The following PCLO variants were observed in gnomAD, a reference collection of about 807,000 sequenced individuals.
PCLO encodes the protein protein piccolo.
PCLO carries 82 observed loss-of-function variants against 427.5 expected under a neutral mutation model. The observed-to-expected ratio is 0.19, with a 90% CI of 0.16 to 0.23. The LOEUF (loss-of-function observed/expected upper bound fraction) is 0.23, where lower values mean the gene tolerates loss of function less well. Among genes scored for constraint, PCLO ranks in the 10% least tolerant of loss-of-function variants. The pLI is 1.00. For missense variants in PCLO, 6,239 were observed against 6,115.9 expected, an observed-to-expected ratio of 1.02 and a Z score of -0.67; for synonymous variants, 2,357 against 2,155.4, an observed-to-expected ratio of 1.09 and a Z score of -2.59.
intron 10 of PCLO, among the ~76,000 whole-genome samples, chr7:82,859,248 G>C (rs1213413307): frequency 6.6e-6 from 1 of 152,198 alleles, no homozygotes. Context: ...CCAGGGCTGT[G>C]AGTGAACATA....
In PCLO at chr7:82,845,410, G is replaced by A. The variant is rs200246576; in HGVS notation, c.13907C>T (p.Ser4636Leu). ...AACAACTGATGACAGAACCAGCGGT[G>A]ACTGCTGTAGTGAAACCTTCTGGAG... ...AELQKVSLQQ[S>L]PLVLSSVVEK... Residue 4636 changes from serine (S) to leucine (L), a missense_variant, in exon 13 of 25, where the codon TCA becomes TTA. By Grantham distance (145) the Ser-to-Leu change is moderately radical (BLOSUM62 -2). This residue lies in a region of PCLO where 877 missense variants were observed against 925.5 expected (regional missense o/e 0.95). Coordinates refer to ENST00000333891, the MANE Select transcript of PCLO (RefSeq NM_033026.6). The A allele has an allele frequency of 1.9e-6, 3 of 1,613,152 alleles. No homozygotes were observed. The highest frequency in any genetic ancestry group is 1.3e-5 in the African/African-American group (1 of 74,994).
At chr7:83,120,542 A>G (rs1791250983) in intron 3 of PCLO, among the ~76,000 whole-genome samples, 1 of 152,140 alleles carries the variant, frequency 6.6e-6, no homozygotes, top group Non-Finnish European at 1.5e-5. Flanking sequence ...CAAGACATTT[A>G]AAAATCAAAT....
chr7:83,079,730 T>A (rs1790047100), intron 3 of PCLO, among the ~76,000 whole-genome samples: 1 of 152,132 alleles, frequency 6.6e-6, no homozygotes, highest in Non-Finnish European at 1.5e-5. Flanking sequence ...ATATTTATTT[T>A]AAGTTCTGGG....
At chr7:82,899,771 C>G (rs2116176753) in intron 9 of PCLO, among the ~76,000 whole-genome samples, 1 of 151,376 alleles carries the variant, frequency 6.6e-6, no homozygotes, top group South Asian at 2.1e-4. Flanking sequence ...TGTTTTAAAA[C>G]TTGTTTCTAG....
In PCLO at chr7:82,915,994, C is replaced by T. The variant is rs780418136; in HGVS notation, c.11992G>A (p.Ala3998Thr). 1 of 1,612,728 alleles carries T rather than the reference C, an allele frequency of 6.2e-7. No individual in the cohort carries two copies. Among genetic ancestry groups the T allele is most frequent in the Admixed American group, 1.7e-5 (1 of 59,994 alleles). Residue 3998 changes from alanine to threonine, a missense_variant, in exon 7 of 25, where the codon GCT (alanine) becomes ACT (threonine). Transcript: ENST00000333891. The stretch of plus-strand genomic sequence containing the variant: ...TACTTACTACCAAGATGGGAAACAG[C>T]AAATGTGTTATCCGTAGAAACAGGT... ...IAPVSTDNTF[A>T]VSHLGSKYNS...
Position 82,822,296 on chromosome 7 carries a change from A to T in PCLO, c.14791+199T>A, listed in dbSNP as rs886745962. On this transcript the variant is annotated intron_variant, in intron 20 of 24. Transcript: ENST00000333891. ...AAGGAGAAACAGCCAGTTTTATTTC[A>T]GTCTATGTAAATAAAAAAAATCTAA... 7.7e-6 allele frequency: 11 copies of T among 1,419,792 alleles called. No individual in the cohort carries two copies. In the African/African-American group the frequency reaches 1.6e-4, roughly 20 times the overall value. 87.9% of individuals were successfully genotyped at this position (1,419,792 alleles called of 1,614,324 possible).
chr7:83,123,289 G>T (rs937732630), intron 3 of PCLO, among the ~76,000 whole-genome samples: 6 of 152,192 alleles, frequency 3.9e-5, no homozygotes, highest in Non-Finnish European at 8.8e-5. Context: ...TGGACCAATG[G>T]AACAGAATAA....
chr7:82,874,018 G>A (rs1170672168), intron 10 of PCLO, among the ~76,000 whole-genome samples: 2 of 152,094 alleles, frequency 1.3e-5, no homozygotes, highest in Non-Finnish European at 2.9e-5. Context: ...AAAGATAATC[G>A]AAAGGTTTAG....
chr7:82,939,350 G>A (rs1441456157), intron 6 of PCLO, among the ~76,000 whole-genome samples: 2 of 151,948 alleles, frequency 1.3e-5, no homozygotes, highest in African/African-American at 4.8e-5. Flanking sequence ...AATTTTAATA[G>A]TGACACAAAG....
chr7:83,162,276 C>T (rs1792458526), intron 1 of PCLO, 69 bp downstream of exon 1: 7 of 1,482,284 alleles, frequency 4.7e-6, no homozygotes, highest in Non-Finnish European at 5.4e-6. Flanking sequence ...CTGGCACATA[C>T]AGGCTGGCAC....
chr7:83,019,166 T>C (rs1032685602), intron 3 of PCLO, among the ~76,000 whole-genome samples: 1 of 152,062 alleles, frequency 6.6e-6, no homozygotes, highest in Admixed American at 6.6e-5. Flanking sequence ...GTAAATTTTG[T>C]GAATTGCTAA....
chr7:82,783,894 T>C (rs1440423786), intron 22 of PCLO, among the ~76,000 whole-genome samples: 3 of 150,782 alleles, frequency 2.0e-5, no homozygotes, highest in Non-Finnish European at 4.4e-5. Context: ...ATTACCTTGT[T>C]ATTTTAATTA....
At chr7:83,008,419 C>T (rs1787999984) in intron 3 of PCLO, among the ~76,000 whole-genome samples, 1 of 151,608 alleles carries the variant, frequency 6.6e-6, no homozygotes, top group South Asian at 2.1e-4. Context: ...CTGTACATGA[C>T]ACATTTATGT....
chr7:82,914,561 G>T, intron 7 of PCLO, 125 bp downstream of exon 7: 3 of 888,678 alleles, frequency 3.4e-6, no homozygotes, highest in Non-Finnish European at 3.6e-6. Flanking sequence ...AAATAAAATT[G>T]AAGTAAACAT....
intron 9 of PCLO, among the ~76,000 whole-genome samples, chr7:82,897,403 A>T (rs1442041300): frequency 6.6e-6 from 1 of 151,570 alleles, no homozygotes; most frequent in Non-Finnish European, 1.5e-5. Flanking sequence ...GAACCATTTA[A>T]TAGAAGATTA....
chr7:83,051,587 T>G lies in PCLO; in HGVS notation c.3300+82663A>C, dbSNP rs373907972. 8.5e-5 allele frequency among the ~76,000 whole-genome samples: 13 copies of G among 152,224 alleles called. No individual in the cohort carries two copies. In the East Asian group the frequency reaches 2.1e-3, roughly 25 times the overall value. ...TGAATAAATATAGAGATATTTCAAATTCATGGACAGAAAGACATTATTGTT... is the reference window on the plus strand; with the variant it reads ...TGAATAAATATAGAGATATTTCAAAGTCATGGACAGAAAGACATTATTGTT... On this transcript the variant is annotated intron_variant, in intron 3 of 24. Coordinates refer to ENST00000333891, the MANE Select transcript of PCLO (RefSeq NM_033026.6).
intron 13 of PCLO, among the ~76,000 whole-genome samples, chr7:82,844,072 G>A (rs41332445): frequency 0.07 from 10,623 of 152,086 alleles, 494 homozygotes; most frequent in East Asian, 0.15. Flanking sequence ...TATTGCATGA[G>A]ATGGTTAATT....
At chr7:82,824,176 G>A in intron 19 of PCLO, 60 bp downstream of exon 19, 1 of 1,123,114 alleles carries the variant, frequency 8.9e-7, no homozygotes, top group Non-Finnish European at 1.3e-6. Context: ...TTCACACTAA[G>A]AAGATACAGA....
chr7:83,063,812 C>T (rs181598913), intron 3 of PCLO, among the ~76,000 whole-genome samples: 12 of 152,186 alleles, frequency 7.9e-5, no homozygotes, highest in African/African-American at 2.9e-4. Context: ...CAAGTTCTGT[C>T]CCTACCTTGA....
Sources: allele counts gnomAD v4.1 joint callset (sites outside exome capture counted in the v4.1 genomes callset), GRCh38; gene constraint gnomAD v4.1.1; regional missense constraint gnomAD v4.1.1; transcripts MANE v1.5; gene names NCBI Gene and HGNC (gene_info 2026-07-23, HGNC 2026-07-21).